PLCE1: variants seen among roughly 807,000 people sequenced by gnomAD.
The protein encoded by PLCE1 is phospholipase C epsilon 1, also known as 1-phosphatidylinositol 4,5-bisphosphate phosphodiesterase epsilon-1.
PLCE1 carries 119 observed loss-of-function variants against 242.8 expected under a neutral mutation model. The ratio of observed to expected loss-of-function variants is 0.49; its 90% CI spans 0.42 to 0.57. PLCE1 has a LOEUF of 0.57. PLCE1 is among the 20% of genes least tolerant of loss of function. The probability of loss-of-function intolerance (pLI) is 0.00; values close to 1 mark genes in which losing one functional copy is unlikely to be tolerated. For missense variants in PLCE1, 2,441 were observed against 2,788.8 expected (o/e 0.88, Z 2.81); for synonymous variants, 945 against 1,017.4 (o/e 0.93, Z 1.35).
At position 94,332,493 on chromosome 10, in the gene PLCE1, A is replaced by AT. The variant is rs1365204580; in HGVS notation, c.*4551dup. 7.4e-6 allele frequency: 1 copy of AT among 135,926 alleles called. No individual in the cohort carries two copies. Among genetic ancestry groups the AT allele is most frequent in the African/African-American group, 2.9e-5 (1 of 34,976 alleles). The allele number at this position is 135,926 out of a possible 1,614,324, so 8.4% of individuals were successfully genotyped here. On this transcript the variant is annotated 3_prime_UTR_variant, in exon 33 of 33. Transcript: ENST00000371380. ...GGCTGTAGCTTAATATAGCCTCAGG[A>AT]TATGTGTGTGCCTGTGTGTGTGTGT...
rs1228245583 is a variant in PLCE1, at chr10:94,031,678, A to G, written c.632A>G (p.Asp211Gly). 1 of 1,613,884 alleles carries G rather than the reference A, an allele frequency of 6.2e-7. No homozygotes were observed. Among genetic ancestry groups the G allele is most frequent in the South Asian group, 1.1e-5 (1 of 91,078 alleles). Residue 211 changes from aspartate to glycine, a missense_variant, in exon 2 of 33, where the codon GAC (aspartate) becomes GGC (glycine). Around this residue, in one of 5 missense-constraint regions of PLCE1, gnomAD observed 393 missense variants for 378.5 expected, o/e 1.04. Coordinates refer to ENST00000371380, the MANE Select transcript of PLCE1 (RefSeq NM_016341.4). The part of the protein sequence containing the change: ...FCTLSENLIL[D>G]DCGNCVPLPG... ...ACCCTATCAGAAAACTTAATTTTAG[A>G]CGATTGTGGAAATTGTGTACCACTA...
chr10:94,170,020 A>G (rs1398475018), intron 3 of PLCE1, among the ~76,000 whole-genome samples: 2 of 152,220 alleles, frequency 1.3e-5, no homozygotes, highest in Non-Finnish European at 2.9e-5. Context: ...AGGGATGATG[A>G]CTTCAGAGTT....
In PLCE1 at chr10:94,324,372, C is replaced by T. The variant is rs748685823; in HGVS notation, c.6525C>T (p.Ser2175=). ...IQQTLCKAKY[S]YSILSNPNPS... is the part of the protein sequence containing the mutation. ...AGACCTTATGCAAAGCCAAATATTC[C>T]TACAGCATCCTGAGCAACCCCAATC... The change falls in exon 31 of 33, where the codon TCC becomes TCT. Residue 2175 remains serine (S), a synonymous_variant. Transcript: ENST00000371380. The T allele has an allele frequency of 2.5e-6, 4 of 1,614,066 alleles. No homozygotes were observed. Among genetic ancestry groups the T allele is most frequent in the African/African-American group, 2.7e-5 (2 of 75,010 alleles).
chr10:93,999,298 T>G (rs2060888469), intron 1 of PLCE1, among the ~76,000 whole-genome samples: 1 of 152,220 alleles, frequency 6.6e-6, no homozygotes, highest in African/African-American at 2.4e-5. Flanking sequence ...AGGTAGGTAC[T>G]TTTATTATCT....
chr10:94,103,505 CTT>C (rs991134985), intron 2 of PLCE1, among the ~76,000 whole-genome samples: 1 of 152,212 alleles, frequency 6.6e-6, no homozygotes, highest in African/African-American at 2.4e-5. Context: ...AGATCCTTCT[CTT>C]CTTTTAGATT....
intron 2 of PLCE1, among the ~76,000 whole-genome samples, chr10:94,073,165 C>T (rs2044409281): frequency 6.6e-6 from 1 of 152,108 alleles, no homozygotes; most frequent in African/African-American, 2.4e-5. Flanking sequence ...CCACCCCACC[C>T]ACCAACCCCA....
At chr10:94,157,141 G>T (rs1377290609) in intron 3 of PLCE1, among the ~76,000 whole-genome samples, 1 of 152,054 alleles carries the variant, frequency 6.6e-6, no homozygotes, top group South Asian at 2.1e-4. Flanking sequence ...ATTATGGTGG[G>T]CACCACACCA....
intron 3 of PLCE1, among the ~76,000 whole-genome samples, chr10:94,137,050 G>A (rs61886304): frequency 0.18 from 26,609 of 151,988 alleles, 2,429 homozygotes; most frequent in South Asian, 0.3. Flanking sequence ...AAAATTAGCC[G>A]GGTATGGTGG....
chr10:94,085,338 G>A (rs1429617882), intron 2 of PLCE1, among the ~76,000 whole-genome samples: 1 of 152,100 alleles, frequency 6.6e-6, no homozygotes, highest in Non-Finnish European at 1.5e-5. Flanking sequence ...AAAAAGACAA[G>A]GAGGAGGAGG....
chr10:94,112,582 G>T (rs1335377259), intron 2 of PLCE1, among the ~76,000 whole-genome samples: 1 of 152,146 alleles, frequency 6.6e-6, no homozygotes, highest in Non-Finnish European at 1.5e-5. Flanking sequence ...AACGAACCCT[G>T]GCTGCTCATA....
intron 19 of PLCE1, 125 bp downstream of exon 19, chr10:94,273,845 T>A (rs1055913075): frequency 2.8e-5 from 25 of 881,278 alleles, no homozygotes; most frequent in African/African-American, 2.0e-4. Flanking sequence ...TTTCCTTAAA[T>A]GATAAGTTTG....
In PLCE1 at chr10:94,151,493, G is replaced by A. The variant is rs77530455; in HGVS notation, c.1492+19034G>A. 4.5e-3 allele frequency among the ~76,000 whole-genome samples: 684 copies of A among 152,344 alleles called. 13 individuals carry two copies. In the East Asian group the frequency reaches 0.075, roughly 17 times the overall value. ...GCTATAAAAAGAACGTGAAAAGTTAGATCCAGTTTGGATATCTTGACTTTG... is the reference window on the plus strand; with the variant it reads ...GCTATAAAAAGAACGTGAAAAGTTAAATCCAGTTTGGATATCTTGACTTTG... On this transcript the variant is annotated intron_variant, in intron 3 of 32. Transcript: ENST00000371380.
At chr10:94,143,431 C>T (rs10882399) in intron 3 of PLCE1, among the ~76,000 whole-genome samples, 54,007 of 151,910 alleles carry the variant, frequency 0.36, 10,942 homozygotes, top group East Asian at 0.56. Flanking sequence ...TTGAGTGTTT[C>T]TAAATTGTTT....
chr10:94,025,222 G>A (rs886682029), intron 1 of PLCE1, among the ~76,000 whole-genome samples: 1 of 152,062 alleles, frequency 6.6e-6, no homozygotes, highest in Non-Finnish European at 1.5e-5. Flanking sequence ...TCCAGAAATT[G>A]CAAACCACTT....
At chr10:94,161,145 A>G (rs2047599549) in intron 3 of PLCE1, among the ~76,000 whole-genome samples, 1 of 152,130 alleles carries the variant, frequency 6.6e-6, no homozygotes. Flanking sequence ...TTCTGTGAAG[A>G]AAGTTTGGTT....
At position 94,204,286 on chromosome 10, in the gene PLCE1, G is replaced by A. The variant is rs2049073344; in HGVS notation, c.1810-23020G>A. On this transcript the variant is annotated intron_variant, in intron 4 of 32. Transcript: ENST00000371380. The stretch of plus-strand genomic sequence containing the variant: ...GTTGGAGGAGCAGATAAAAGAAGAG[G>A]AAGGAGAGAAAGAAGGCAAAAAAGC... Among the ~76,000 whole-genome samples the A allele has an allele frequency of 3.3e-5, 5 of 152,104 alleles. No homozygotes were observed. In the South Asian group the frequency reaches 8.3e-4, roughly 25 times the overall value.
chr10:94,023,012 AG>A (rs1413025075), intron 1 of PLCE1, among the ~76,000 whole-genome samples: 9 of 152,138 alleles, frequency 5.9e-5, no homozygotes, highest in African/African-American at 2.2e-4. Flanking sequence ...TCAATCTGTG[AG>A]GGGGCCCTAT....
In PLCE1 at chr10:94,254,191, G is replaced by C. The variant is rs61732523; in HGVS notation, c.3281G>C (p.Gly1094Ala). 1.2e-4 allele frequency: 186 copies of C among 1,608,288 alleles called. No individual in the cohort carries two copies. In the Middle Eastern group the frequency reaches 1.3e-3, roughly 11 times the overall value. Reference sequence around the variant, plus strand: ...CCATCGTGAGCTTTGTGTTCCCAGGGTGAGAGTGGAGAGGTAACTGACGAT... The same window carrying C: ...CCATCGTGAGCTTTGTGTTCCCAGGCTGAGAGTGGAGAGGTAACTGACGAT... ...TKKKKKILMR[G>A]ESGEVTDDEM... Residue 1094 changes from glycine (G) to alanine (A), a missense_variant and splice_region_variant, in exon 10 of 33, where the codon GGT becomes GCT. Gly to Ala is a moderately conservative substitution (Grantham distance 60). Coordinates refer to ENST00000371380, the MANE Select transcript of PLCE1 (RefSeq NM_016341.4).
chr10:94,030,574 C>CA (rs975206570), intron 1 of PLCE1, among the ~76,000 whole-genome samples, 109 bp from the exon 2 acceptor site: 38 of 149,622 alleles, frequency 2.5e-4, no homozygotes, highest in Non-Finnish European at 5.1e-4. Context: ...CTTCTGATTG[C>CA]AAAAAAAAAC....
Sources: allele counts gnomAD v4.1 joint callset (sites outside exome capture counted in the v4.1 genomes callset), GRCh38; gene constraint gnomAD v4.1.1; regional missense constraint gnomAD v4.1.1; transcripts MANE v1.5; gene names NCBI Gene and HGNC (gene_info 2026-07-23, HGNC 2026-07-21).